LMF1: variants seen among roughly 807,000 people sequenced by gnomAD.
LMF1 encodes the protein transmembrane protein 112.
A neutral mutation model predicts 60.6 loss-of-function variants in LMF1; 68 were observed. That is an observed-to-expected ratio of 1.12 (90% CI 0.92 to 1.37). The LOEUF (loss-of-function observed/expected upper bound fraction) is 1.37, where lower values mean the gene tolerates loss of function less well. LMF1 is among the 40% of genes most tolerant of loss of function. The pLI is 0.00. For missense variants in LMF1, 948 were observed against 767.2 expected (o/e 1.24, Z -2.78); for synonymous variants, 418 against 324.7 (o/e 1.29, Z -3.09).
At chr16:909,546 T>C (rs552927923) in intron 4 of LMF1, among the ~76,000 whole-genome samples, 1 of 152,022 alleles carries the variant, frequency 6.6e-6, no homozygotes, top group African/African-American at 2.4e-5. Context: ...AGCCACGCTA[T>C]GCAGAACCAT....
intron 3 of LMF1, among the ~76,000 whole-genome samples, chr16:929,129 G>T (rs115831586): frequency 6.6e-6 from 1 of 152,074 alleles, no homozygotes; most frequent in Non-Finnish European, 1.5e-5. Context: ...GTCCCATCCC[G>T]CGCCTGAAAA....
At chr16:924,581 C>A (rs1344545296) in intron 3 of LMF1, among the ~76,000 whole-genome samples, 1 of 152,200 alleles carries the variant, frequency 6.6e-6, no homozygotes, top group Non-Finnish European at 1.5e-5. Context: ...GGTTATAAAA[C>A]CACACCATCG....
chr16:919,238 G>A (rs549439079), intron 3 of LMF1, among the ~76,000 whole-genome samples: 4 of 152,238 alleles, frequency 2.6e-5, no homozygotes, highest in South Asian at 4.1e-4. Flanking sequence ...TCCACCCCAC[G>A]TGGAGGGTGG....
intron 5 of LMF1, among the ~76,000 whole-genome samples, chr16:887,413 G>A (rs28363753): frequency 0.11 from 16,102 of 152,194 alleles, 982 homozygotes; most frequent in East Asian, 0.28. Flanking sequence ...ACTTCAACAC[G>A]GATTCCTGCA....
At chr16:942,263 G>A (rs2072119438) in intron 2 of LMF1, among the ~76,000 whole-genome samples, 1 of 152,232 alleles carries the variant, frequency 6.6e-6, no homozygotes, top group Non-Finnish European at 1.5e-5. Flanking sequence ...GTTATAAGAA[G>A]CCAGACATAT....
intron 10 of LMF1, among the ~76,000 whole-genome samples, chr16:860,580 A>G (rs1305941509): frequency 1.3e-5 from 2 of 152,116 alleles, no homozygotes; most frequent in Non-Finnish European, 2.9e-5. Flanking sequence ...AGGTCAAGCA[A>G]TCTGCCCACC....
At chr16:913,234 C>T (rs1465784025) in intron 3 of LMF1, among the ~76,000 whole-genome samples, 3 of 152,250 alleles carry the variant, frequency 2.0e-5, no homozygotes, top group Non-Finnish European at 4.4e-5. Context: ...CCACCTCGTG[C>T]TGTGCTGGGC....
chr16:971,271 C>A (rs1055265249), upstream of LMF1, among the ~76,000 whole-genome samples: 8 of 152,262 alleles, frequency 5.3e-5, no homozygotes, highest in African/African-American at 1.9e-4. Context: ...CCCGAGCTCA[C>A]TGGGGCAGGC....
intron 10 of LMF1, among the ~76,000 whole-genome samples, chr16:863,389 G>C (rs578191593): frequency 7.2e-5 from 11 of 152,122 alleles, no homozygotes; most frequent in Non-Finnish European, 1.3e-4. Context: ...TGATCCACCC[G>C]CCTTGGCCTC....
intron 6 of LMF1, among the ~76,000 whole-genome samples, chr16:879,281 C>T (rs914193447): frequency 2.0e-5 from 3 of 152,190 alleles, no homozygotes; most frequent in African/African-American, 4.8e-5. Context: ...GTGCTGACCC[C>T]GTCCCACTGC....
At chr16:931,512 A>G in intron 3 of LMF1, 1 of 633,266 alleles carries the variant, frequency 1.6e-6, no homozygotes, top group Non-Finnish European at 2.3e-6. Flanking sequence ...GCACGCACAA[A>G]CTGCATTCTC....
intron 4 of LMF1, among the ~76,000 whole-genome samples, chr16:910,070 T>A (rs910789064): frequency 6.6e-6 from 1 of 152,156 alleles, no homozygotes; most frequent in Non-Finnish European, 1.5e-5. Context: ...CAGCCCAAAA[T>A]GAAAATCTTA....
At chr16:927,326 ACGCCC>A (rs1285302619) in intron 3 of LMF1, among the ~76,000 whole-genome samples, 1 of 152,172 alleles carries the variant, frequency 6.6e-6, no homozygotes, top group Non-Finnish European at 1.5e-5. Flanking sequence ...ACAGTCATTC[ACGCCC>A]CAGGTGACAG....
intron 3 of LMF1, among the ~76,000 whole-genome samples, chr16:930,895 C>T (rs1238238859): frequency 7.2e-5 from 11 of 152,176 alleles, no homozygotes; most frequent in South Asian, 4.1e-4. Context: ...CTGAGGTGGG[C>T]GGGTTACCTG....
chr16:959,509 T>A (rs1015337291), intron 1 of LMF1, among the ~76,000 whole-genome samples: 2 of 152,168 alleles, frequency 1.3e-5, no homozygotes, highest in South Asian at 2.1e-4. Context: ...CGAGATGAAC[T>A]TCAATGTGCA....
chr16:930,690 G>A (rs2071755266), intron 3 of LMF1, among the ~76,000 whole-genome samples: 2 of 152,246 alleles, frequency 1.3e-5, no homozygotes, highest in African/African-American at 4.8e-5. Context: ...TTTCAGGCGG[G>A]TCCCGCTCAC....
intron 6 of LMF1, chr16:871,720 C>T (rs746178432): frequency 4.8e-6 from 1 of 208,348 alleles, no homozygotes; most frequent in Non-Finnish European, 9.6e-6. Context: ...CTGGTGAGTC[C>T]AAACAGAGGA....
chr16:934,372 G>C, intron 2 of LMF1, 118 bp from the exon 3 acceptor site: 2 of 1,332,414 alleles, frequency 1.5e-6, no homozygotes, highest in Non-Finnish European at 2.1e-6. Context: ...GGTCAGGGAA[G>C]CCCTGCGAGG....
At chr16:871,898 G>C (rs144360618) in intron 6 of LMF1, 1 of 152,954 alleles carries the variant, frequency 6.5e-6, no homozygotes, top group Non-Finnish European at 1.5e-5. Flanking sequence ...CAGCAGGAGA[G>C]GGGAGGGGCT....
Sources: allele counts gnomAD v4.1 joint callset (sites outside exome capture counted in the v4.1 genomes callset), GRCh38; gene constraint gnomAD v4.1.1; transcripts MANE v1.5; gene names NCBI Gene and HGNC (gene_info 2026-07-23, HGNC 2026-07-21).